The following ADARB2 variants were observed in gnomAD, a reference collection of about 807,000 sequenced individuals.
ADARB2 encodes inactive double-stranded RNA-specific editase B2.
Under a neutral mutation model 62.2 loss-of-function variants are expected in ADARB2, and 25 were observed. The observed-to-expected ratio is 0.40, with a 90% CI of 0.29 to 0.56. The LOEUF (loss-of-function observed/expected upper bound fraction) is 0.56. Ranked by LOEUF, ADARB2 falls within the 20% of genes least tolerant of loss-of-function variation. The pLI, the probability that ADARB2 is intolerant of heterozygous loss-of-function variation, is 0.43. For synonymous variants in ADARB2, 572 were observed against 500.8 expected (o/e 1.14, Z -1.90); for missense variants, 1,071 against 1,077.4 (o/e 0.99, Z 0.08).
At chr10:1,473,328 G>T (rs1831351397) in intron 1 of ADARB2, among the ~76,000 whole-genome samples, 1 of 152,144 alleles carries the variant, frequency 6.6e-6, no homozygotes, top group South Asian at 2.1e-4. Flanking sequence ...GACCCTAATG[G>T]ATACAAATTT....
chr10:1,189,043 C>T (rs892884141), intron 8 of ADARB2, among the ~76,000 whole-genome samples: 5 of 150,752 alleles, frequency 3.3e-5, no homozygotes, highest in African/African-American at 1.2e-4. Context: ...TGGCCTCGTG[C>T]GCTTTCACTC....
intron 1 of ADARB2, among the ~76,000 whole-genome samples, chr10:1,591,938 C>G (rs994047958): frequency 3.3e-4 from 50 of 152,344 alleles, no homozygotes; most frequent in African/African-American, 1.2e-3. Flanking sequence ...CTCCGGCCGG[C>G]ATCCTTCACC....
rs541596918 is a variant in ADARB2 at position 1,356,351 on chromosome 10, C to T, written c.1077+6677G>A. Among the ~76,000 whole-genome samples the T allele has an allele frequency of 5.3e-5, 8 of 152,332 alleles. No individual in the cohort carries two copies. In the South Asian group the frequency reaches 1.4e-3, roughly 28 times the overall value. ...CCACAGGCGCATGGGAAGAATGGTC[C>T]CAGAGACACAGGCAGCCAGCTGGGG... On this transcript the variant is annotated intron_variant, in intron 3 of 9. Transcript: ENST00000381312.
At chr10:1,300,385 T>G (rs1379790629) in intron 3 of ADARB2, among the ~76,000 whole-genome samples, 2 of 148,842 alleles carry the variant, frequency 1.3e-5, no homozygotes, top group Non-Finnish European at 3.0e-5. Flanking sequence ...ACAGCCAGGC[T>G]GATGCCAGCT....
At chr10:1,510,096 T>TTTCTTTCTCTCTTTCTTTCTTTC (rs1564312412) in intron 1 of ADARB2, among the ~76,000 whole-genome samples, 20 of 124,822 alleles carry the variant, frequency 1.6e-4, no homozygotes, top group East Asian at 9.4e-4. Context: ...TCTCTCTCTC[T>TTTCTTTCTCTCTTTCTTTCTTTC]TTTCTTTCTT....
Position 1,451,378 on chromosome 10 carries a change from G to A in ADARB2, c.101-72218C>T, listed in dbSNP as rs187501113. 4.6e-5 allele frequency among the ~76,000 whole-genome samples: 7 copies of A among 152,356 alleles called. No individual in the cohort carries two copies. In the East Asian group the frequency reaches 1.4e-3, roughly 29 times the overall value. ...AGCCACCAACTTTGCACCTGGCGGT[G>A]CTGCCCTGACACCTGAGGACTCATA... On this transcript the variant is annotated intron_variant, in intron 1 of 9. Transcript: ENST00000381312.
Position 1,453,458 on chromosome 10 carries a change from T to G in ADARB2, c.101-74298A>C, listed in dbSNP as rs890977773. 2.0e-5 allele frequency among the ~76,000 whole-genome samples: 3 copies of G among 152,338 alleles called. No homozygotes were observed. The East Asian group carries it at 5.8e-4, about 29-fold the overall frequency. On this transcript the variant is annotated intron_variant, in intron 1 of 9. Transcript: ENST00000381312. ...TTGTATATGGTGTAATGTAAGGGTTTAACGTCATTCCTTTGGATGTGAATA... is the reference window on the plus strand; with the variant it reads ...TTGTATATGGTGTAATGTAAGGGTTGAACGTCATTCCTTTGGATGTGAATA...
At chr10:1,391,375 G>A (rs139336737) in intron 1 of ADARB2, among the ~76,000 whole-genome samples, 2 of 152,248 alleles carry the variant, frequency 1.3e-5, no homozygotes, top group East Asian at 3.9e-4. Flanking sequence ...TCAGACACCT[G>A]ATCTTGCAAG....
intron 1 of ADARB2, among the ~76,000 whole-genome samples, chr10:1,715,188 T>A (rs1416572818): frequency 6.6e-6 from 1 of 152,142 alleles, no homozygotes; most frequent in Non-Finnish European, 1.5e-5. Context: ...CTCTAAATCA[T>A]TCTGTTTCCC....
chr10:1,231,006 T>C (rs72762911), intron 6 of ADARB2, among the ~76,000 whole-genome samples: 149,234 of 152,334 alleles, frequency 0.98, 73,116 homozygotes, highest in East Asian at 1. Context: ...AGCACAGACA[T>C]TGCAGTAGAA....
chr10:1,466,909 G>T (rs533665755), intron 1 of ADARB2, among the ~76,000 whole-genome samples: 2 of 152,248 alleles, frequency 1.3e-5, no homozygotes, highest in African/African-American at 4.8e-5. Flanking sequence ...CCTGCGTGTT[G>T]ACTTCAGGGT....
intron 1 of ADARB2, among the ~76,000 whole-genome samples, chr10:1,554,820 T>C (rs1832677156): frequency 6.6e-6 from 1 of 152,116 alleles, no homozygotes; most frequent in Admixed American, 6.5e-5. Flanking sequence ...ACGCTGAGGT[T>C]TGGGATATGA....
chr10:1,610,619 G>A (rs765664731), intron 1 of ADARB2, among the ~76,000 whole-genome samples: 2 of 152,160 alleles, frequency 1.3e-5, no homozygotes, highest in Non-Finnish European at 2.9e-5. Context: ...CAGAGCCCTC[G>A]TCTAGGGACT....
intron 1 of ADARB2, among the ~76,000 whole-genome samples, chr10:1,594,929 C>T (rs1833310674): frequency 6.6e-6 from 1 of 152,284 alleles, no homozygotes; most frequent in Admixed American, 6.5e-5. Context: ...CACACAGCCG[C>T]TGAGCGCCCA....
chr10:1,259,527 G>A (rs577355941), intron 4 of ADARB2, among the ~76,000 whole-genome samples: 6 of 152,272 alleles, frequency 3.9e-5, no homozygotes, highest in South Asian at 4.1e-4. Context: ...ACACTTCTAC[G>A]CAAATAAACT....
chr10:1,397,963 C>CTGT lies in ADARB2; in HGVS notation c.101-18804_101-18803insACA, dbSNP rs1832629350. 1.4e-5 allele frequency among the ~76,000 whole-genome samples: 2 copies of CTGT among 138,328 alleles called. 1 individual carries two copies. The highest frequency in any genetic ancestry group is 5.6e-5 in the African/African-American group (2 of 35,798). The allele number at this position is 138,328 out of a possible 152,430, so 90.7% of individuals were successfully genotyped here. On this transcript the variant is annotated intron_variant, in intron 1 of 9. Transcript: ENST00000381312. ...GAGTGCAGGCTTCCTGGGTCACCGT[C>CTGT]CGTCTCTCCCCTCCCGAGTGCAGGC...
intron 3 of ADARB2, among the ~76,000 whole-genome samples, chr10:1,358,105 A>G (rs1280200199): frequency 6.6e-6 from 1 of 152,242 alleles, no homozygotes; most frequent in Non-Finnish European, 1.5e-5. Flanking sequence ...CCCTGGACTT[A>G]GCTCTGGGCA....
intron 3 of ADARB2, among the ~76,000 whole-genome samples, chr10:1,286,700 A>G (rs1831417139): frequency 1.3e-5 from 2 of 152,148 alleles, no homozygotes; most frequent in South Asian, 4.1e-4. Flanking sequence ...TGCAAGAGGC[A>G]TCATCATAAT....
intron 1 of ADARB2, among the ~76,000 whole-genome samples, chr10:1,491,400 C>G (rs1037208255): frequency 2.2e-4 from 33 of 152,106 alleles, no homozygotes; most frequent in Non-Finnish European, 4.1e-4. Context: ...CATTTTGAAA[C>G]CTTTTATTTA....
Sources: gnomAD v4.1 joint callset for allele counts (sites outside exome capture counted in the v4.1 genomes callset) on GRCh38, gnomAD v4.1.1 for gene constraint, MANE v1.5 for transcripts, NCBI Gene and HGNC (gene_info 2026-07-23, HGNC 2026-07-21) for gene names.